ASIP: variants seen among roughly 807,000 people sequenced by gnomAD.
ASIP encodes agouti-signaling protein.
Under a neutral mutation model 10.3 loss-of-function variants are expected in ASIP, and 11 were observed. The ratio of observed to expected loss-of-function variants is 1.07; its 90% confidence interval spans 0.68 to 1.78. The LOEUF (loss-of-function observed/expected upper bound fraction) is 1.78, where lower values mean the gene tolerates loss of function less well. Ranked by LOEUF, ASIP falls within the 40% of genes most tolerant of loss-of-function variation. ASIP has a pLI of 0.00. For synonymous variants in ASIP, 70 were observed against 70.8 expected, an observed-to-expected ratio of 0.99 and a Z score of 0.06; for missense variants, 180 against 169.2, an observed-to-expected ratio of 1.06 and a Z score of -0.35.
chr20:34,208,521 A>AT (rs532669094), intron 1 of ASIP, among the ~76,000 whole-genome samples: 103 of 151,980 alleles, frequency 6.8e-4, no homozygotes, highest in African/African-American at 2.4e-3. Context: ...CTCCTGGTTA[A>AT]TTTTTTTATT....
At chr20:34,212,820 A>G (rs2034983148) in intron 1 of ASIP, among the ~76,000 whole-genome samples, 1 of 152,192 alleles carries the variant, frequency 6.6e-6, no homozygotes, top group African/African-American at 2.4e-5. Context: ...ATAACTAATA[A>G]GCAATCTGTA....
chr20:34,225,131 T>G (rs2035083937), intron 1 of ASIP, among the ~76,000 whole-genome samples: 1 of 142,430 alleles, frequency 7.0e-6, no homozygotes, highest in African/African-American at 2.6e-5. Context: ...AACCTCTGCC[T>G]CCTGGGTTCA....
At chr20:34,245,062 A>C (rs1249233855) in intron 1 of ASIP, among the ~76,000 whole-genome samples, 1 of 152,144 alleles carries the variant, frequency 6.6e-6, no homozygotes, top group East Asian at 1.9e-4. Context: ...CAGGCCGGGC[A>C]CAGTGGCTCA....
At position 34,266,613 on chromosome 20, in the gene ASIP, C is replaced by CA. The variant is rs538301395; in HGVS notation, c.223-2377dup. Among the ~76,000 whole-genome samples the CA allele has an allele frequency of 6.6e-5, 10 of 152,126 alleles. No individual in the cohort carries two copies. In the East Asian group the frequency reaches 1.7e-3, roughly 26 times the overall value. On this transcript the variant is annotated intron_variant, in intron 3 of 3. Coordinates refer to ENST00000374954, the MANE Select transcript of ASIP (RefSeq NM_001672.3). ...ACTGGAACCCGGGAGATGAAGGTTG[C>CA]AGTGAGCCGAGATGGCACCACTACA...
At chr20:34,213,437 GA>G (rs1452816293) in intron 1 of ASIP, 2 of 949,374 alleles carry the variant, frequency 2.1e-6, no homozygotes, top group Non-Finnish European at 3.1e-6. Context: ...AGTGGCTTTG[GA>G]ATTGAGTCAT....
At chr20:34,266,675 A>C (rs757764822) in intron 3 of ASIP, among the ~76,000 whole-genome samples, 33 of 152,086 alleles carry the variant, frequency 2.2e-4, no homozygotes, top group Admixed American at 1.3e-4. Context: ...TCCATCTCAA[A>C]AACAAACAAA....
chr20:34,241,038 C>A (rs149693392), upstream of ASIP, among the ~76,000 whole-genome samples: 2 of 152,158 alleles, frequency 1.3e-5, no homozygotes, highest in Non-Finnish European at 2.9e-5. Flanking sequence ...CTGCTATCCA[C>A]GGACAGGAAA....
chr20:34,254,257 A>T (rs1229493323), intron 1 of ASIP, among the ~76,000 whole-genome samples: 1 of 152,024 alleles, frequency 6.6e-6, no homozygotes, highest in African/African-American at 2.4e-5. Flanking sequence ...GAGACGAGCT[A>T]TCACCATGTT....
intron 1 of ASIP, among the ~76,000 whole-genome samples, chr20:34,236,290 A>G (rs1046113219): frequency 2.6e-5 from 4 of 152,258 alleles, no homozygotes; most frequent in Non-Finnish European, 4.4e-5. Context: ...CTATAATCCC[A>G]GCACTTTGGG....
intron 1 of ASIP, among the ~76,000 whole-genome samples, chr20:34,223,508 C>G (rs1205428137): frequency 6.6e-6 from 1 of 151,036 alleles, no homozygotes; most frequent in Admixed American, 6.6e-5. Flanking sequence ...GGGGGTCAGC[C>G]CCCCCGCCCG....
intron 1 of ASIP, among the ~76,000 whole-genome samples, chr20:34,251,147 A>G (rs1293114974): frequency 6.6e-6 from 1 of 152,166 alleles, no homozygotes; most frequent in Non-Finnish European, 1.5e-5. Context: ...GCTTGTACAA[A>G]CTTTCCATGA....
chr20:34,245,068 G>A (rs1353542586), intron 1 of ASIP, among the ~76,000 whole-genome samples: 1 of 152,078 alleles, frequency 6.6e-6, no homozygotes, highest in Non-Finnish European at 1.5e-5. Context: ...GGGCACAGTG[G>A]CTCATGCCTG....
At chr20:34,191,844 T>A (rs528699050), upstream of ASIP, among the ~76,000 whole-genome samples, 1 of 151,220 alleles carries the variant, frequency 6.6e-6, no homozygotes, top group East Asian at 2.0e-4. Context: ...ATTCTCCTGC[T>A]TCAGCCTCCT....
At chr20:34,256,763 G>A (rs1426167799) in intron 1 of ASIP, among the ~76,000 whole-genome samples, 2 of 152,126 alleles carry the variant, frequency 1.3e-5, no homozygotes, top group Non-Finnish European at 2.9e-5. Flanking sequence ...CTTGTAACTT[G>A]CCTTAATCGA....
chr20:34,204,520 G>A (rs1265512341), intron 1 of ASIP, among the ~76,000 whole-genome samples: 2 of 152,176 alleles, frequency 1.3e-5, no homozygotes, highest in African/African-American at 4.8e-5. Context: ...CTCCTGGCCC[G>A]TTTTTTAACT....
intron 1 of ASIP, among the ~76,000 whole-genome samples, chr20:34,235,786 G>GA (rs1356722931): frequency 4.9e-5 from 3 of 61,392 alleles, no homozygotes; most frequent in South Asian, 6.7e-4. Flanking sequence ...CTCTGAGAAA[G>GA]AAGAAAGAAA....
intron 3 of ASIP, among the ~76,000 whole-genome samples, chr20:34,268,708 T>G: frequency 6.6e-6 from 1 of 150,830 alleles, no homozygotes; most frequent in South Asian, 2.1e-4. Flanking sequence ...CAGTCCAGCC[T>G]GGCTGACAGA....
In ASIP at chr20:34,235,905, A is replaced by G. The variant is rs1473548244; in HGVS notation, c.-10-24460A>G. On this transcript the variant is annotated intron_variant, in intron 1 of 3. Transcript: ENST00000568305. ...AGGAAGGAAGGAAGGAAGGAAAGGA[A>G]GGAAGGAAGGAAGGAAGGAAGGAAG... 4.9e-4 allele frequency among the ~76,000 whole-genome samples: 46 copies of G among 94,040 alleles called. 5 individuals carry two copies. Among genetic ancestry groups the G allele is most frequent in the African/African-American group, 3.1e-3 (45 of 14,342 alleles). 61.7% of individuals were successfully genotyped at this position (94,040 alleles called of 152,430 possible).
At chr20:34,262,637 C>T (rs944590145) in intron 2 of ASIP, among the ~76,000 whole-genome samples, 195 bp from the exon 3 acceptor site, 3 of 152,132 alleles carry the variant, frequency 2.0e-5, no homozygotes, top group Non-Finnish European at 4.4e-5. Context: ...ACGTTGCTAT[C>T]AGTGCCTGGC....
Sources: gnomAD v4.1 joint callset for allele counts (sites outside exome capture counted in the v4.1 genomes callset) on GRCh38, gnomAD v4.1.1 for gene constraint, MANE v1.5 for transcripts, NCBI Gene and HGNC (gene_info 2026-07-23, HGNC 2026-07-21) for gene names.